The following UMAD1 variants were observed in gnomAD, a reference collection of about 807,000 sequenced individuals.
UMAD1 encodes the protein UBAP1-MVB12-associated (UMA) domain containing 1, also known as UBAP1-MVB12-associated (UMA)-domain containing protein 1.
In UMAD1, 8 loss-of-function variants were observed where a neutral mutation model predicts 6.1. The observed-to-expected ratio is 1.30, with a 90% CI of 0.76 to 2.35. UMAD1 has a LOEUF of 2.35. Ranked by LOEUF, UMAD1 falls within the 30% of genes most tolerant of loss-of-function variation. The pLI is 0.00. For missense variants in UMAD1, 130 were observed against 78.4 expected (o/e 1.66, Z -2.49); for synonymous variants, 56 against 31.4 (o/e 1.78, Z -2.61).
At chr7:7,685,159 G>T (rs909390034) in intron 2 of UMAD1, among the ~76,000 whole-genome samples, 9 of 152,048 alleles carry the variant, frequency 5.9e-5, no homozygotes, top group African/African-American at 1.4e-4. Context: ...TTCATATAGG[G>T]TTGGAAGACC....
intron 3 of UMAD1, among the ~76,000 whole-genome samples, chr7:7,826,491 G>T (rs191873025): frequency 6.6e-6 from 1 of 152,106 alleles, no homozygotes; most frequent in Admixed American, 6.6e-5. Flanking sequence ...GGTCCTGTGC[G>T]TTAGCCACTC....
At chr7:7,741,397 C>A (rs1015467910) in intron 2 of UMAD1, among the ~76,000 whole-genome samples, 1 of 151,802 alleles carries the variant, frequency 6.6e-6, no homozygotes, top group Non-Finnish European at 1.5e-5. Flanking sequence ...CAGTGAAACC[C>A]CATCTCTACT....
chr7:7,789,143 A>C (rs1671984571), intron 2 of UMAD1, among the ~76,000 whole-genome samples: 1 of 152,204 alleles, frequency 6.6e-6, no homozygotes, highest in Non-Finnish European at 1.5e-5. Flanking sequence ...AAGTGGTCAA[A>C]GTGTGTTCCT....
At chr7:7,854,437 A>G (rs1033966180) in intron 3 of UMAD1, among the ~76,000 whole-genome samples, 6 of 151,806 alleles carry the variant, frequency 4.0e-5, no homozygotes, top group African/African-American at 1.5e-4. Context: ...CAGAAAACTT[A>G]CAATCATGGC....
At chr7:7,727,573 T>C (rs928735962) in intron 2 of UMAD1, among the ~76,000 whole-genome samples, 3 of 152,170 alleles carry the variant, frequency 2.0e-5, no homozygotes, top group Non-Finnish European at 4.4e-5. Context: ...TCTGTGAGCA[T>C]GTTTCCAAAG....
chr7:7,703,383 A>G (rs1293140681), intron 2 of UMAD1, among the ~76,000 whole-genome samples: 2 of 152,204 alleles, frequency 1.3e-5, no homozygotes, highest in Non-Finnish European at 2.9e-5. Flanking sequence ...TTATTTACCT[A>G]TAGAATTTTT....
chr7:7,876,077 G>A (rs187505078), intron 3 of UMAD1, among the ~76,000 whole-genome samples: 9 of 152,268 alleles, frequency 5.9e-5, no homozygotes, highest in Middle Eastern at 6.8e-3. Context: ...CAAAAACCAC[G>A]TAAAAGTAAG....
chr7:7,643,963 C>T (rs958237716), intron 1 of UMAD1, among the ~76,000 whole-genome samples: 1 of 152,078 alleles, frequency 6.6e-6, no homozygotes, highest in Non-Finnish European at 1.5e-5. Flanking sequence ...GCTACTGACC[C>T]GTGAGGATAG....
At chr7:7,775,652 A>C (rs2115246837) in intron 2 of UMAD1, among the ~76,000 whole-genome samples, 1 of 152,328 alleles carries the variant, frequency 6.6e-6, no homozygotes, top group Admixed American at 6.5e-5. Flanking sequence ...GACTGACCAT[A>C]CCAAATGTTG....
intron 2 of UMAD1, among the ~76,000 whole-genome samples, chr7:7,743,424 C>T (rs1272900415): frequency 6.6e-6 from 1 of 151,962 alleles, no homozygotes; most frequent in African/African-American, 2.4e-5. Context: ...ACTACAGATA[C>T]AAAATTTATA....
chr7:7,760,400 C>CA (rs1406376584), intron 2 of UMAD1, among the ~76,000 whole-genome samples: 2 of 130,080 alleles, frequency 1.5e-5, no homozygotes, highest in African/African-American at 3.0e-5. Flanking sequence ...ACTAAAAATA[C>CA]AAAAAAATAC....
At chr7:7,818,755 T>A (rs1783181179) in intron 3 of UMAD1, among the ~76,000 whole-genome samples, 1 of 152,220 alleles carries the variant, frequency 6.6e-6, no homozygotes, top group South Asian at 2.1e-4. Context: ...AGACATGGAA[T>A]CAACCTCCAT....
chr7:7,808,853 A>G (rs1310537461), intron 3 of UMAD1, among the ~76,000 whole-genome samples: 1 of 152,012 alleles, frequency 6.6e-6, no homozygotes, highest in Non-Finnish European at 1.5e-5. Context: ...GGAGACACAT[A>G]TAAAATAATA....
At chr7:7,676,040 G>C in intron 2 of UMAD1, 1 of 398,096 alleles carries the variant, frequency 2.5e-6, no homozygotes, top group East Asian at 3.6e-5. Flanking sequence ...TCATGTCTCA[G>C]CTCTTACTTC....
At chr7:7,798,084 T>C (rs1021504665) in intron 2 of UMAD1, among the ~76,000 whole-genome samples, 7 of 152,182 alleles carry the variant, frequency 4.6e-5, no homozygotes, top group Admixed American at 1.3e-4. Flanking sequence ...TAAACAAAAT[T>C]TTATTGGAAC....
At chr7:7,753,702 T>A (rs1383655140) in intron 2 of UMAD1, among the ~76,000 whole-genome samples, 1 of 152,208 alleles carries the variant, frequency 6.6e-6, no homozygotes, top group Non-Finnish European at 1.5e-5. Flanking sequence ...TGCTTCCACA[T>A]CTTGGCTCTT....
chr7:7,692,781 C>T (rs1239079262), intron 2 of UMAD1, among the ~76,000 whole-genome samples: 2 of 151,928 alleles, frequency 1.3e-5, no homozygotes, highest in Non-Finnish European at 2.9e-5. Context: ...AGCTAATTTT[C>T]GTATTTTTAG....
intron 2 of UMAD1, among the ~76,000 whole-genome samples, chr7:7,673,698 TC>T (rs1779669123): frequency 1.0e-5 from 1 of 99,362 alleles, no homozygotes; most frequent in Admixed American, 1.2e-4. Flanking sequence ...TAAAATCACT[TC>T]TTTTTCCCCC....
intron 2 of UMAD1, among the ~76,000 whole-genome samples, chr7:7,758,007 G>A (rs1781811625): frequency 6.6e-6 from 1 of 152,090 alleles, no homozygotes; most frequent in Admixed American, 6.5e-5. Context: ...AATCTGGGAT[G>A]TGGTTTATTT....
Sources: allele counts gnomAD v4.1 joint callset (sites outside exome capture counted in the v4.1 genomes callset), GRCh38; gene constraint gnomAD v4.1.1; transcripts MANE v1.5; gene names NCBI Gene and HGNC (gene_info 2026-07-23, HGNC 2026-07-21).